Variants in DLG2 observed in about 807,000 individuals in gnomAD.
DLG2 encodes discs large MAGUK scaffold protein 2, also known as disks large homolog 2.
A neutral mutation model predicts 132.5 loss-of-function variants in DLG2; 45 were observed. The observed-to-expected ratio is 0.34, with a 90% CI of 0.27 to 0.44. DLG2 has a LOEUF of 0.44. Among genes scored for constraint, DLG2 ranks in the 20% least tolerant of loss-of-function variants. The pLI is 1.00. For synonymous variants in DLG2, 424 were observed against 419.6 expected (o/e 1.01, Z -0.13); for missense variants, 1,045 against 1,196.9 (o/e 0.87, Z 1.87).
chr11:85,627,718 C>G (rs1358043684), upstream of DLG2: 1 of 152,314 alleles, frequency 6.6e-6, no homozygotes, highest in Non-Finnish European at 1.5e-5. Context: ...CAAGACATTT[C>G]TTTGCCACCG....
At chr11:85,247,787 T>C (rs1204397764) in intron 4 of DLG2, among the ~76,000 whole-genome samples, 1 of 152,076 alleles carries the variant, frequency 6.6e-6, no homozygotes, top group East Asian at 1.9e-4. Context: ...AGCATTAATA[T>C]ATAGACTAGC....
chr11:83,980,783 T>A, intron 11 of DLG2, 141 bp from the exon 12 acceptor site: 2 of 821,248 alleles, frequency 2.4e-6, no homozygotes, highest in Non-Finnish European at 3.6e-6. Context: ...CTAAAAACTG[T>A]ATTTCAATCT....
intron 6 of DLG2, among the ~76,000 whole-genome samples, chr11:84,821,643 A>C (rs2153983808): frequency 1.5e-5 from 1 of 65,222 alleles, no homozygotes; most frequent in South Asian, 4.1e-4. Context: ...AAAAAAAAAC[A>C]ACAACAACAA....
At chr11:85,320,258 C>T (rs548054433) in intron 3 of DLG2, among the ~76,000 whole-genome samples, 81 of 151,980 alleles carry the variant, frequency 5.3e-4, no homozygotes, top group African/African-American at 1.7e-3. Context: ...TTCATCTAGT[C>T]CAGCAGCCTT....
At chr11:83,627,101 A>C (rs2062666420) in intron 19 of DLG2, among the ~76,000 whole-genome samples, 1 of 152,128 alleles carries the variant, frequency 6.6e-6, no homozygotes, top group Non-Finnish European at 1.5e-5. Flanking sequence ...GATGAATATT[A>C]CCAACATTTA....
chr11:83,824,583 T>C (rs545161937), intron 17 of DLG2, among the ~76,000 whole-genome samples: 2 of 152,310 alleles, frequency 1.3e-5, no homozygotes, highest in South Asian at 4.1e-4. Flanking sequence ...GTAATTTATA[T>C]CCAAAGACTA....
chr11:84,254,945 C>T (rs1308305641), intron 7 of DLG2, among the ~76,000 whole-genome samples: 1 of 152,182 alleles, frequency 6.6e-6, no homozygotes, highest in Non-Finnish European at 1.5e-5. Context: ...TGGTAACGCC[C>T]TGGTGTGACT....
chr11:85,344,053 A>T (rs1009099400), intron 3 of DLG2, among the ~76,000 whole-genome samples: 1 of 152,186 alleles, frequency 6.6e-6, no homozygotes, highest in African/African-American at 2.4e-5. Flanking sequence ...ATTAGTAAGC[A>T]CCCAAAATAA....
intron 10 of DLG2, among the ~76,000 whole-genome samples, chr11:84,076,369 TTCTG>T (rs1235523820): frequency 6.6e-6 from 1 of 152,202 alleles, no homozygotes; most frequent in Admixed American, 6.5e-5. Flanking sequence ...TGGTAATAAC[TTCTG>T]TCTATCTAGC....
chr11:85,456,452 A>T (rs1419520162), intron 3 of DLG2, among the ~76,000 whole-genome samples: 1 of 152,078 alleles, frequency 6.6e-6, no homozygotes, highest in Non-Finnish European at 1.5e-5. Flanking sequence ...TGGTGTTTTC[A>T]CATCTCAAAT....
At chr11:84,707,219 T>C (rs75955288) in intron 6 of DLG2, among the ~76,000 whole-genome samples, 11,910 of 151,796 alleles carry the variant, frequency 0.078, 666 homozygotes, top group Middle Eastern at 0.15. Context: ...TGAGATCAAA[T>C]CTATAAGTGA....
chr11:84,867,826 C>G (rs1189736840), intron 6 of DLG2, among the ~76,000 whole-genome samples: 5 of 152,044 alleles, frequency 3.3e-5, no homozygotes, highest in South Asian at 2.1e-4. Flanking sequence ...TGTAATCCCA[C>G]CACTTTGGGA....
intron 7 of DLG2, among the ~76,000 whole-genome samples, chr11:84,293,672 G>C (rs762113769): frequency 3.9e-5 from 6 of 151,996 alleles, no homozygotes; most frequent in African/African-American, 1.4e-4. Flanking sequence ...GTGAGACTCC[G>C]TCTCAAAAAA....
intron 18 of DLG2, among the ~76,000 whole-genome samples, chr11:83,753,870 TATATGATATATATC>T (rs1566832981): frequency 1.1e-5 from 1 of 90,058 alleles, no homozygotes; most frequent in African/African-American, 7.4e-5. Flanking sequence ...ATATTTCATA[TATATGATATATATC>T]ATATATATCA....
chr11:83,610,703 C>A (rs2059992074), intron 19 of DLG2, among the ~76,000 whole-genome samples: 1 of 152,088 alleles, frequency 6.6e-6, no homozygotes, highest in African/African-American at 2.4e-5. Flanking sequence ...TAAATAATGA[C>A]TACCATTTAT....
At chr11:84,703,887 C>CGT (rs370287195) in intron 6 of DLG2, among the ~76,000 whole-genome samples, 5,243 of 114,474 alleles carry the variant, frequency 0.046, 143 homozygotes, top group Non-Finnish European at 0.058. Context: ...TATATATACA[C>CGT]GTGTGTGTGT....
At chr11:83,819,061 T>A (rs1326553186) in intron 17 of DLG2, among the ~76,000 whole-genome samples, 2 of 152,148 alleles carry the variant, frequency 1.3e-5, no homozygotes, top group African/African-American at 2.4e-5. Context: ...TTTTTTCTGA[T>A]GTTCTCAATT....
At chr11:83,849,737 A>T (rs1423764098) in intron 16 of DLG2, among the ~76,000 whole-genome samples, 1 of 140,284 alleles carries the variant, frequency 7.1e-6, no homozygotes, top group African/African-American at 2.7e-5. Flanking sequence ...GAAGTTTTAC[A>T]ATCTGGAGCT....
At chr11:83,919,695 G>T (rs2077515567) in intron 15 of DLG2, among the ~76,000 whole-genome samples, 1 of 152,148 alleles carries the variant, frequency 6.6e-6, no homozygotes. Context: ...CCTGTTTGGG[G>T]TCTGAGTGAC....
Sources: gnomAD v4.1 joint callset for allele counts (sites outside exome capture counted in the v4.1 genomes callset) on GRCh38, gnomAD v4.1.1 for gene constraint, MANE v1.5 for transcripts, NCBI Gene and HGNC (gene_info 2026-07-23, HGNC 2026-07-21) for gene names.